Variants in ANK2 observed in about 807,000 individuals in gnomAD.
ANK2 encodes ankyrin-2.
In ANK2, 83 loss-of-function variants were observed where a neutral mutation model predicts 360.5. The ratio of observed to expected loss-of-function variants is 0.23; its 90% CI spans 0.19 to 0.28. The LOEUF (loss-of-function observed/expected upper bound fraction) is 0.28, where lower values mean the gene tolerates loss of function less well. Among genes scored for constraint, ANK2 ranks in the 10% least tolerant of loss-of-function variants. The pLI is 1.00. For synonymous variants in ANK2, 1,740 were observed against 1,759.5 expected, an observed-to-expected ratio of 0.99 and a Z score of 0.28; for missense variants, 4,201 against 4,795.7, an observed-to-expected ratio of 0.88 and a Z score of 3.66.
intron 1 of ANK2, among the ~76,000 whole-genome samples, chr4:112,856,465 C>T (rs1041692296): frequency 5.3e-5 from 8 of 152,144 alleles, no homozygotes; most frequent in African/African-American, 1.2e-4. Context: ...TGGTGGCTCA[C>T]GCCTGTAATC....
At chr4:112,923,780 G>A (rs2092045687) in intron 2 of ANK2, among the ~76,000 whole-genome samples, 1 of 152,120 alleles carries the variant, frequency 6.6e-6, no homozygotes, top group Non-Finnish European at 1.5e-5. Context: ...TATTGGAATA[G>A]AGAGGAAGGA....
At chr4:113,314,300 G>A (rs183754073) in intron 24 of ANK2, among the ~76,000 whole-genome samples, 19 of 152,126 alleles carry the variant, frequency 1.2e-4, no homozygotes, top group African/African-American at 3.4e-4. Context: ...ATTTCTACTC[G>A]TTAAGTTTGC....
At position 113,339,341 on chromosome 4, in the gene ANK2, G is replaced by A; in HGVS notation, c.3893+19G>A. 5 of 1,597,192 alleles carry A rather than the reference G, an allele frequency of 3.1e-6. No homozygotes were observed. The highest frequency in any genetic ancestry group is 4.3e-6 in the Non-Finnish European group (5 of 1,164,784). On this transcript the variant is annotated intron_variant, in intron 32 of 45. Transcript: ENST00000357077. Reference sequence around the variant, plus strand: ...CTGCCAGGTATCGTTATATAGCACAGAAAAGCCCACTATGATATGTTACCC... The same window carrying A: ...CTGCCAGGTATCGTTATATAGCACAAAAAAGCCCACTATGATATGTTACCC...
intron 2 of ANK2, among the ~76,000 whole-genome samples, chr4:112,964,145 A>G (rs1489354691): frequency 6.7e-6 from 1 of 148,304 alleles, no homozygotes; most frequent in Non-Finnish European, 1.5e-5. Flanking sequence ...GGCACACGAG[A>G]TACTTTGATA....
chr4:112,754,331 G>A, the ANK2 span, among the ~76,000 whole-genome samples: 5 of 150,892 alleles, frequency 3.3e-5, no homozygotes, highest in East Asian at 1.9e-4. Flanking sequence ...CTGGGCCCCG[G>A]TTTCCTTTTG....
At position 112,820,482 on chromosome 4, in the gene ANK2, T is replaced by G. The variant is rs140778885; in HGVS notation, c.-40+2218T>G. Among the ~76,000 whole-genome samples the G allele has an allele frequency of 1.6e-3, 244 of 152,346 alleles. 2 individuals are homozygous for G. The highest frequency in any genetic ancestry group is 5.7e-3 in the African/African-American group (235 of 41,566). On this transcript the variant is annotated intron_variant, in intron 1 of 30. Transcript: ENST00000503271. The stretch of plus-strand genomic sequence containing the variant: ...GAGAACATTTTCTTTAAAAATTAGG[T>G]GTTTTTTTCAATTTCTGGTTCTTTT...
chr4:112,735,213 T>G, the ANK2 span, among the ~76,000 whole-genome samples: 2 of 152,080 alleles, frequency 1.3e-5, no homozygotes, highest in Non-Finnish European at 2.9e-5. Flanking sequence ...AGTGAAACCC[T>G]GTTTCTACAA....
chr4:113,240,670 G>T, intron 8 of ANK2, 87 bp downstream of exon 8: 1 of 1,211,798 alleles, frequency 8.3e-7, no homozygotes, highest in Non-Finnish European at 1.2e-6. Context: ...CTTTCTTAAA[G>T]ATTTTACTTC....
chr4:112,835,127 C>T (rs1448971654), intron 1 of ANK2, among the ~76,000 whole-genome samples: 3 of 152,144 alleles, frequency 2.0e-5, no homozygotes, highest in East Asian at 1.9e-4. Flanking sequence ...CATCTACCAT[C>T]GACATTTCAC....
At chr4:113,152,074 AAAAAG>A (rs1479092301) in intron 1 of ANK2, among the ~76,000 whole-genome samples, 28,655 of 72,804 alleles carry the variant, frequency 0.39, 3,564 homozygotes, top group African/African-American at 0.49. Flanking sequence ...TCAAAAAAAA[AAAAAG>A]AAAAAAAAAA....
intron 1 of ANK2, among the ~76,000 whole-genome samples, chr4:113,066,191 C>T (rs977384285): frequency 6.6e-6 from 1 of 152,150 alleles, no homozygotes; most frequent in African/African-American, 2.4e-5. Context: ...CTCCTCCCCC[C>T]AGCCCCACAA....
At chr4:112,794,187 A>G in the ANK2 span, among the ~76,000 whole-genome samples, 3 of 152,260 alleles carry the variant, frequency 2.0e-5, no homozygotes, top group African/African-American at 4.8e-5. Flanking sequence ...AAGCTATAAA[A>G]GATTATGAAA....
intron 2 of ANK2, among the ~76,000 whole-genome samples, chr4:112,953,419 T>TC (rs2095152919): frequency 6.6e-6 from 1 of 152,252 alleles, no homozygotes; most frequent in African/African-American, 2.4e-5. Flanking sequence ...GGCCAGAGTC[T>TC]CTTATGACAT....
chr4:113,099,523 A>G (rs2092416848), intron 1 of ANK2, among the ~76,000 whole-genome samples: 1 of 152,030 alleles, frequency 6.6e-6, no homozygotes, highest in African/African-American at 2.4e-5. Flanking sequence ...TTCATAGATA[A>G]GAAGACTCAA....
chr4:112,883,582 C>T (rs1013149798), intron 1 of ANK2, among the ~76,000 whole-genome samples: 11 of 151,996 alleles, frequency 7.2e-5, no homozygotes, highest in Non-Finnish European at 4.4e-5. Flanking sequence ...AGAAATTCAT[C>T]GAAATCTTTA....
chr4:112,746,812 A>C, the ANK2 span, among the ~76,000 whole-genome samples: 1 of 152,216 alleles, frequency 6.6e-6, no homozygotes, highest in South Asian at 2.1e-4. Context: ...AGCTGGATGA[A>C]GCTTATTAAA....
chr4:113,313,855 C>T (rs2081407784), intron 24 of ANK2, among the ~76,000 whole-genome samples: 1 of 151,954 alleles, frequency 6.6e-6, no homozygotes, highest in Non-Finnish European at 1.5e-5. Flanking sequence ...TGGATTTATT[C>T]TAAAATAAAT....
At chr4:112,756,259 C>A in the ANK2 span, among the ~76,000 whole-genome samples, 1 of 151,196 alleles carries the variant, frequency 6.6e-6, no homozygotes. Flanking sequence ...AAGACAGAGT[C>A]TCACTCTGCT....
intron 38 of ANK2, 117 bp from the exon 39 acceptor site, chr4:113,360,706 C>T (rs1210201615): frequency 7.1e-6 from 6 of 840,652 alleles, no homozygotes; most frequent in Non-Finnish European, 1.2e-5. Flanking sequence ...AATGTAGTAT[C>T]TAGTTTGTGC....
Sources: gnomAD v4.1 joint callset for allele counts (sites outside exome capture counted in the v4.1 genomes callset) on GRCh38, gnomAD v4.1.1 for gene constraint, MANE v1.5 for transcripts, NCBI Gene and HGNC (gene_info 2026-07-23, HGNC 2026-07-21) for gene names.